CCSER2: variants seen among roughly 807,000 people sequenced by gnomAD.
The protein encoded by CCSER2 is coiled-coil serine rich protein 2.
Under a neutral mutation model 92.3 loss-of-function variants are expected in CCSER2, and 46 were observed. That is an observed-to-expected ratio of 0.50 (90% CI 0.39 to 0.64). The LOEUF is 0.64. Ranked by LOEUF, CCSER2 falls within the 30% of genes least tolerant of loss-of-function variation. The pLI, the probability that CCSER2 is intolerant of heterozygous loss-of-function variation, is 0.00. For missense variants in CCSER2, 1,244 were observed against 1,238.9 expected (o/e 1.00, Z -0.06); for synonymous variants, 433 against 431.4 (o/e 1.00, Z -0.04).
chr10:84,480,211 AT>A (rs901930835), intron 9 of CCSER2, among the ~76,000 whole-genome samples: 4 of 151,298 alleles, frequency 2.6e-5, no homozygotes, highest in African/African-American at 9.7e-5. Flanking sequence ...TGCCTGGCTA[AT>A]TTTTTTATTT....
chr10:84,404,761 A>G (rs1369024948), intron 3 of CCSER2, among the ~76,000 whole-genome samples: 2 of 152,244 alleles, frequency 1.3e-5, no homozygotes, highest in Non-Finnish European at 2.9e-5. Flanking sequence ...TGTATCATCA[A>G]TGACTAGTTA....
intron 6 of CCSER2, among the ~76,000 whole-genome samples, chr10:84,443,492 A>G (rs1459117112): frequency 6.6e-6 from 1 of 152,246 alleles, no homozygotes. Flanking sequence ...TCAGGAGACA[A>G]CAGGTGCTGG....
chr10:84,357,122 G>GT (rs1845214882), intron 1 of CCSER2, among the ~76,000 whole-genome samples: 2 of 152,154 alleles, frequency 1.3e-5, no homozygotes, highest in African/African-American at 4.8e-5. Flanking sequence ...GGCATTACTT[G>GT]GTGTGTTGAC....
At chr10:84,433,272 G>A (rs1843892606) in intron 5 of CCSER2, among the ~76,000 whole-genome samples, 1 of 152,122 alleles carries the variant, frequency 6.6e-6, no homozygotes. Context: ...TTTTGATTGG[G>A]ATTGTCTTAA....
chr10:84,516,377 C>G lies in CCSER2; in HGVS notation c.*2110C>G, dbSNP rs1261919419. ...ATACTGTTAGAGTCAGGCAAATCAG[C>G]AAAGCACTTTGTTATGGAGATGACC... is the stretch of plus-strand genomic sequence containing the variant. On this transcript the variant is annotated 3_prime_UTR_variant, in exon 10 of 10. Transcript: ENST00000372088. The G allele has an allele frequency of 6.6e-6, 1 of 152,172 alleles. No individual in the cohort carries two copies. The highest frequency in any genetic ancestry group is 1.5e-5 in the Non-Finnish European group (1 of 68,040). 9.4% of individuals were successfully genotyped at this position (152,172 alleles called of 1,614,324 possible). A position where few individuals can be genotyped will look rare whatever the true frequency, so the allele number is the denominator to read the frequency against.
intron 3 of CCSER2, among the ~76,000 whole-genome samples, chr10:84,398,068 A>G (rs1331430015): frequency 1.3e-5 from 2 of 152,210 alleles, no homozygotes; most frequent in Admixed American, 6.5e-5. Context: ...TCTAGCTTAC[A>G]AGTCAGACAC....
intron 1 of CCSER2, among the ~76,000 whole-genome samples, chr10:84,352,639 T>C (rs1394247333): frequency 2.0e-5 from 3 of 151,986 alleles, no homozygotes; most frequent in Non-Finnish European, 2.9e-5. Flanking sequence ...CCATATTAAG[T>C]GCCACTGACA....
At chr10:84,438,851 G>C (rs930842340) in intron 6 of CCSER2, 144 bp downstream of exon 6, 36 of 536,380 alleles carry the variant, frequency 6.7e-5, no homozygotes, top group Non-Finnish European at 1.1e-4. Context: ...GTATATAGTA[G>C]AAAGTTTTGT....
rs1472797794 is a variant in CCSER2, at chr10:84,371,603, G to A, written c.551G>A (p.Ser184Asn). 1.6e-5 allele frequency: 26 copies of A among 1,613,522 alleles called. No homozygotes were observed. In the East Asian group the frequency reaches 5.8e-4, roughly 36 times the overall value. ...TTTTATGGAAACCGATCAGCTGGTA[G>A]CATGCAAAGGCCTAGAGCGAACTCC... ...NGFYGNRSAG[S>N]MQRPRANSCA... is the part of the protein sequence containing the mutation. Residue 184 changes from serine (S) to asparagine (N), a missense_variant, in exon 2 of 10, where the codon AGC (serine) becomes AAC (asparagine). Transcript: ENST00000372088.
At chr10:84,456,361 T>C (rs947038566) in intron 6 of CCSER2, among the ~76,000 whole-genome samples, 1 of 152,228 alleles carries the variant, frequency 6.6e-6, no homozygotes, top group African/African-American at 2.4e-5. Flanking sequence ...TGGCTTTTTT[T>C]ACTTAACATA....
At position 84,371,125 on chromosome 10, in the gene CCSER2, A is replaced by C. The variant is rs775683547; in HGVS notation, c.73A>C (p.Ser25Arg). Residue 25 changes from serine (S) to arginine (R), a missense_variant, in exon 2 of 10, where the codon AGT becomes CGT. Coordinates refer to ENST00000372088, the MANE Select transcript of CCSER2 (RefSeq NM_001284240.2). ...AAAGTATGGAACAAAATCTGTAAGA[A>C]GTACATTGCAGCCAATGCCAAATGG... ...LPKYGTKSVR[S>R]TLQPMPNGTP... 12 of 1,612,356 alleles carry C rather than the reference A, an allele frequency of 7.4e-6. No individual in the cohort carries two copies. Among genetic ancestry groups the C allele is most frequent in the Non-Finnish European group, 9.3e-6 (11 of 1,179,504 alleles).
At chr10:84,426,005 G>A (rs1305226362) in intron 5 of CCSER2, 112 bp downstream of exon 5, 4 of 578,446 alleles carry the variant, frequency 6.9e-6, no homozygotes, top group Non-Finnish European at 8.3e-6. Context: ...GTTTTTAGAG[G>A]CACCAAAAAG....
At chr10:84,353,816 C>T (rs1249971544) in intron 1 of CCSER2, among the ~76,000 whole-genome samples, 2 of 152,036 alleles carry the variant, frequency 1.3e-5, no homozygotes, top group Admixed American at 6.6e-5. Flanking sequence ...AAATATTGTC[C>T]CCACTATTTT....
At position 84,477,630 on chromosome 10, in the gene CCSER2, A is replaced by G. The variant is rs763896850; in HGVS notation, c.2291A>G (p.Asp764Gly). The G allele has an allele frequency of 6.2e-7, 1 of 1,611,664 alleles. No homozygotes were observed. Among genetic ancestry groups the G allele is most frequent in the Admixed American group, 1.7e-5 (1 of 59,966 alleles). ...AAAGAGGAAAAATGCACTTATGCTGATAAATATACCCAAACACCCTGGAGA... is the reference window on the plus strand; with the variant it reads ...AAAGAGGAAAAATGCACTTATGCTGGTAAATATACCCAAACACCCTGGAGA... ...KCKEEKCTYA[D>G]KYTQTPWRRI... is the part of the protein sequence containing the mutation. Residue 764 changes from aspartate to glycine, a missense_variant, in exon 9 of 10, where the codon GAT becomes GGT. By Grantham distance (94) the Asp-to-Gly change is moderately conservative. Transcript: ENST00000372088.
chr10:84,407,499 T>A (rs1429150798), intron 3 of CCSER2, among the ~76,000 whole-genome samples: 1 of 134,982 alleles, frequency 7.4e-6, no homozygotes, highest in Non-Finnish European at 1.7e-5. Flanking sequence ...TACTTCTCAG[T>A]TAACTTTCGT....
intron 6 of CCSER2, among the ~76,000 whole-genome samples, chr10:84,453,763 A>T (rs931380027): frequency 4.6e-5 from 7 of 152,148 alleles, no homozygotes; most frequent in African/African-American, 1.7e-4. Context: ...CTATTGTATC[A>T]GGTATATACA....
At position 84,515,941 on chromosome 10, in the gene CCSER2, A is replaced by G. The variant is rs1330172376; in HGVS notation, c.*1674A>G. 1 of 152,136 alleles carries G rather than the reference A, an allele frequency of 6.6e-6. No individual in the cohort carries two copies. Among genetic ancestry groups the G allele is most frequent in the African/African-American group, 2.4e-5 (1 of 41,446 alleles). 9.4% of individuals were successfully genotyped at this position (152,136 alleles called of 1,614,324 possible). A position where few individuals can be genotyped will look rare whatever the true frequency, so the allele number is the denominator to read the frequency against. On this transcript the variant is annotated 3_prime_UTR_variant, in exon 10 of 10. Coordinates refer to ENST00000372088, the MANE Select transcript of CCSER2 (RefSeq NM_001284240.2). ...CCTTCCTCTTCTCCCAAATCATGTCATCTTTAGGTTGTTCACCTGCAGCTG... is the reference window on the plus strand; with the variant it reads ...CCTTCCTCTTCTCCCAAATCATGTCGTCTTTAGGTTGTTCACCTGCAGCTG...
intron 3 of CCSER2, among the ~76,000 whole-genome samples, chr10:84,412,582 G>C (rs534758309): frequency 6.6e-6 from 1 of 152,252 alleles, no homozygotes; most frequent in East Asian, 1.9e-4. Flanking sequence ...AAGTCTGGTG[G>C]AATCAAAGGA....
chr10:84,464,663 A>G (rs1442005759), intron 7 of CCSER2, among the ~76,000 whole-genome samples: 1 of 152,208 alleles, frequency 6.6e-6, no homozygotes, highest in Non-Finnish European at 1.5e-5. Context: ...GCTTATAATA[A>G]TGAAATTTAT....
Sources: gnomAD v4.1 joint callset for allele counts (sites outside exome capture counted in the v4.1 genomes callset) on GRCh38, gnomAD v4.1.1 for gene constraint, MANE v1.5 for transcripts, NCBI Gene and HGNC (gene_info 2026-07-23, HGNC 2026-07-21) for gene names.